Variants in GRID1 observed in about 807,000 individuals in gnomAD.
The protein encoded by GRID1 is glutamate receptor ionotropic, delta-1.
GRID1 carries 28 observed loss-of-function variants against 98.0 expected under a neutral mutation model. The ratio of observed to expected loss-of-function variants is 0.29; its 90% CI spans 0.21 to 0.39. The LOEUF (loss-of-function observed/expected upper bound fraction) is 0.39, where lower values mean the gene tolerates loss of function less well. Ranked by LOEUF, GRID1 falls within the 10% of genes least tolerant of loss-of-function variation. The pLI, the probability that GRID1 is intolerant of heterozygous loss-of-function variation, is 1.00. For synonymous variants in GRID1, 553 were observed against 538.5 expected (o/e 1.03, Z -0.37); for missense variants, 1,111 against 1,340.5 (o/e 0.83, Z 2.67).
At chr10:85,657,568 C>T (rs1390220349) in intron 12 of GRID1, among the ~76,000 whole-genome samples, 2 of 152,194 alleles carry the variant, frequency 1.3e-5, no homozygotes, top group Admixed American at 6.5e-5. Context: ...AAGTCTTCAT[C>T]TTGGGTTGAC....
chr10:85,771,848 C>T (rs1483518777), intron 8 of GRID1, among the ~76,000 whole-genome samples: 1 of 152,142 alleles, frequency 6.6e-6, no homozygotes, highest in Non-Finnish European at 1.5e-5. Context: ...TACAAAGAGA[C>T]TTAGACTCCC....
At chr10:85,709,583 T>C (rs577213419) in intron 12 of GRID1, among the ~76,000 whole-genome samples, 1 of 152,306 alleles carries the variant, frequency 6.6e-6, no homozygotes, top group South Asian at 2.1e-4. Context: ...TTTGTGTGAA[T>C]AGCTTGATGA....
At chr10:85,630,010 G>T (rs927754764) in intron 13 of GRID1, among the ~76,000 whole-genome samples, 1 of 152,062 alleles carries the variant, frequency 6.6e-6, no homozygotes, top group South Asian at 2.1e-4. Flanking sequence ...GTATGTCTTT[G>T]TTTGAAAAAT....
chr10:85,832,015 T>C (rs1842871317), intron 8 of GRID1, among the ~76,000 whole-genome samples: 1 of 151,782 alleles, frequency 6.6e-6, no homozygotes, highest in Non-Finnish European at 1.5e-5. Context: ...TTGAAAAGAA[T>C]AAAGGGATGA....
At position 85,701,749 on chromosome 10, in the gene GRID1, G is replaced by A. The variant is rs530731885; in HGVS notation, c.1997+21254C>T. Among the ~76,000 whole-genome samples, 3 of 152,266 alleles carry A rather than the reference G, an allele frequency of 2.0e-5. No homozygotes were observed. The South Asian group carries it at 6.2e-4, about 32-fold the overall frequency. ...AGGAATGAAAAACCAAACATCATAT[G>A]TTCTCACTGATATGTGAGAGCTAAG... On this transcript the variant is annotated intron_variant, in intron 12 of 15. Transcript: ENST00000327946.
At chr10:85,766,316 T>C (rs775910271) in intron 8 of GRID1, among the ~76,000 whole-genome samples, 36 of 152,142 alleles carry the variant, frequency 2.4e-4, no homozygotes, top group Non-Finnish European at 4.6e-4. Flanking sequence ...TGAAACCCCA[T>C]TTCTATAGAA....
At chr10:85,675,786 G>A (rs1841138333) in intron 12 of GRID1, among the ~76,000 whole-genome samples, 1 of 152,196 alleles carries the variant, frequency 6.6e-6, no homozygotes, top group Non-Finnish European at 1.5e-5. Context: ...TAAATTGGAG[G>A]CATCAGCTTC....
In GRID1 at chr10:85,665,821, A is replaced by G. The variant is rs532183532; in HGVS notation, c.1998-18424T>C. The stretch of plus-strand genomic sequence containing the variant: ...GGAGTGTATTAATTAAAGTGACACC[A>G]AGGACAGGAAAATCTGAGCTCTTGG... On this transcript the variant is annotated intron_variant, in intron 12 of 15. Coordinates refer to ENST00000327946, the MANE Select transcript of GRID1 (RefSeq NM_017551.3). 1.5e-4 allele frequency among the ~76,000 whole-genome samples: 23 copies of G among 152,266 alleles called. No homozygotes were observed. In the South Asian group the frequency reaches 4.1e-3, roughly 27 times the overall value.
chr10:85,789,500 G>A (rs1308011682), intron 8 of GRID1, among the ~76,000 whole-genome samples: 1 of 152,130 alleles, frequency 6.6e-6, no homozygotes, highest in Admixed American at 6.5e-5. Flanking sequence ...CCACCTCTTA[G>A]GGTGAAAATG....
chr10:86,036,530 G>C (rs1296693560), intron 4 of GRID1, among the ~76,000 whole-genome samples: 1 of 152,174 alleles, frequency 6.6e-6, no homozygotes, highest in African/African-American at 2.4e-5. Context: ...GCCCCAAGAA[G>C]GACCAGCCAG....
intron 3 of GRID1, among the ~76,000 whole-genome samples, chr10:86,139,281 G>A (rs1043942343): frequency 6.6e-6 from 1 of 152,162 alleles, no homozygotes; most frequent in Non-Finnish European, 1.5e-5. Context: ...TGGCCAGAAA[G>A]TGCCCTTGAT....
Position 86,366,342 on chromosome 10 carries a change from C to A in GRID1, c.51G>T (p.Ser17=). ...WLLPWICQCV[S]VRADSIIHIG... ...TGTGGATGATGGAGTCGGCCCGCAC[C>A]GACACGCACTGGCATATCCAGGGGA... is the stretch of plus-strand genomic sequence containing the variant. Residue 17 remains serine (S), a synonymous_variant, in exon 1 of 16, where the codon TCG becomes TCT. Transcript: ENST00000327946. The surrounding 1 kb of genome is among the most constrained non-coding windows in gnomAD (Gnocchi z 4.1). 1.3e-6 allele frequency: 2 copies of A among 1,520,718 alleles called. No individual in the cohort carries two copies. The highest frequency in any genetic ancestry group is 1.8e-6 in the Non-Finnish European group (2 of 1,132,500). The allele number at this position is 1,520,718 out of a possible 1,614,324, so 94.2% of individuals were successfully genotyped here.
At chr10:85,750,795 T>C (rs1842039057) in intron 8 of GRID1, among the ~76,000 whole-genome samples, 1 of 152,066 alleles carries the variant, frequency 6.6e-6, no homozygotes, top group Non-Finnish European at 1.5e-5. Context: ...TGCACAAAGA[T>C]GATCATCAGA....
rs566650147 is a variant in GRID1, at chr10:85,799,478, A to G, written c.1233+55018T>C. On this transcript the variant is annotated intron_variant, in intron 8 of 15. Transcript: ENST00000327946. ...TATAGAATCAACCTAAGTGCCTACC[A>G]ATGGATGAATAGATTTTTAAAATGT... Among the ~76,000 whole-genome samples, 30 of 152,294 alleles carry G rather than the reference A, an allele frequency of 2.0e-4. No individual in the cohort carries two copies. In the South Asian group the frequency reaches 6.2e-3, roughly 32 times the overall value.
chr10:86,124,507 C>A (rs574519931), intron 4 of GRID1, among the ~76,000 whole-genome samples: 3 of 152,314 alleles, frequency 2.0e-5, no homozygotes, highest in Non-Finnish European at 4.4e-5. Flanking sequence ...TACTTCTTGG[C>A]ATCATTGTCC....
chr10:85,922,836 G>C (rs1170798837), intron 4 of GRID1, among the ~76,000 whole-genome samples: 1 of 152,114 alleles, frequency 6.6e-6, no homozygotes, highest in Non-Finnish European at 1.5e-5. Context: ...GGAAGCATGA[G>C]GAAACCCCTA....
rs79495866 is a variant in GRID1 at position 85,922,713 on chromosome 10, T to C, written c.727-6474A>G. On this transcript the variant is annotated intron_variant, in intron 4 of 15. Transcript: ENST00000327946. ...ATGCAGGAGCGCAACGCCCCTCCATTTGCAAGGAAGGGGTGTAGCTAGCTG... is the reference window on the plus strand; with the variant it reads ...ATGCAGGAGCGCAACGCCCCTCCATCTGCAAGGAAGGGGTGTAGCTAGCTG... Among the ~76,000 whole-genome samples the C allele has an allele frequency of 0.014, 2,141 of 152,266 alleles. 103 individuals are homozygous for C. The East Asian group carries it at 0.15, about 11-fold the overall frequency.
At chr10:86,117,203 C>T (rs1844596476) in intron 4 of GRID1, among the ~76,000 whole-genome samples, 1 of 151,638 alleles carries the variant, frequency 6.6e-6, no homozygotes, top group South Asian at 2.1e-4. Flanking sequence ...CCATCACTAC[C>T]ATCATCATCA....
At chr10:86,280,946 G>A (rs972112279) in intron 2 of GRID1, among the ~76,000 whole-genome samples, 1 of 152,112 alleles carries the variant, frequency 6.6e-6, no homozygotes, top group Non-Finnish European at 1.5e-5. Context: ...GAAAATACCT[G>A]CTTTTCTAAG....
Sources: gnomAD v4.1 joint callset for allele counts (sites outside exome capture counted in the v4.1 genomes callset) on GRCh38, gnomAD v4.1.1 for gene constraint, Gnocchi (gnomAD v3.1) non-coding constraint, MANE v1.5 for transcripts, NCBI Gene and HGNC (gene_info 2026-07-23, HGNC 2026-07-21) for gene names.